The following CTNNA2 variants were observed in gnomAD, a reference collection of about 807,000 sequenced individuals.
CTNNA2 encodes catenin alpha-2.
In CTNNA2, 42 loss-of-function variants were observed where a neutral mutation model predicts 101.0. That is an observed-to-expected ratio of 0.42 (90% CI 0.32 to 0.54). The LOEUF (loss-of-function observed/expected upper bound fraction) is 0.54. Ranked by LOEUF, CTNNA2 falls within the 20% of genes least tolerant of loss-of-function variation. CTNNA2 has a pLI of 0.14. For missense variants in CTNNA2, 871 were observed against 1,223.1 expected, an observed-to-expected ratio of 0.71 and a Z score of 4.29; for synonymous variants, 450 against 456.4, an observed-to-expected ratio of 0.99 and a Z score of 0.18.
At chr2:79,260,923 C>T (rs1674913220) in intron 2 of CTNNA2, among the ~76,000 whole-genome samples, 1 of 152,110 alleles carries the variant, frequency 6.6e-6, no homozygotes, top group Admixed American at 6.6e-5. Flanking sequence ...TTCATCCTCC[C>T]CCGCAATTCC....
intron 7 of CTNNA2, among the ~76,000 whole-genome samples, chr2:80,245,973 T>A (rs1395824275): frequency 6.6e-6 from 1 of 151,912 alleles, no homozygotes; most frequent in African/African-American, 2.4e-5. Context: ...TTTTTGTATT[T>A]TTAGTAGAGA....
At chr2:79,637,355 C>T (rs1343082936) in intron 1 of CTNNA2, among the ~76,000 whole-genome samples, 1 of 152,026 alleles carries the variant, frequency 6.6e-6, no homozygotes, top group East Asian at 1.9e-4. Flanking sequence ...AGAACCAAGC[C>T]CCATCTTCTA....
At chr2:80,437,952 T>C (rs750861942) in intron 9 of CTNNA2, among the ~76,000 whole-genome samples, 39 of 152,220 alleles carry the variant, frequency 2.6e-4, no homozygotes, top group Non-Finnish European at 5.7e-4. Flanking sequence ...CAGCCGAGAC[T>C]GGGCTGCATT....
At chr2:79,600,342 A>T (rs546206129) in intron 1 of CTNNA2, among the ~76,000 whole-genome samples, 1 of 151,260 alleles carries the variant, frequency 6.6e-6, no homozygotes, top group South Asian at 2.1e-4. Flanking sequence ...TGCCTGGCTA[A>T]TTTTTTTTTA....
In CTNNA2 at chr2:80,321,722, T is replaced by C. The variant is rs78341658; in HGVS notation, c.1057-71489T>C. 7.2e-3 allele frequency among the ~76,000 whole-genome samples: 1,101 copies of C among 152,326 alleles called. 14 individuals are homozygous for C. The highest frequency in any genetic ancestry group is 0.025 in the African/African-American group (1,038 of 41,574). ...TGTGGCAAGGTTTCGTTTTTGTGAA[T>C]GCATGCACGCATGTACTTGTGGGCT... On this transcript the variant is annotated intron_variant, in intron 7 of 18. Transcript: ENST00000402739.
At chr2:79,726,413 G>A (rs562822415) in intron 2 of CTNNA2, among the ~76,000 whole-genome samples, 9 of 152,274 alleles carry the variant, frequency 5.9e-5, no homozygotes, top group South Asian at 2.1e-4. Flanking sequence ...GCAAGTGAGC[G>A]TTACCACCTG....
rs543630134 is a variant in CTNNA2 at position 79,726,123 on chromosome 2, ACT to A, written c.103-18263_103-18262del. 1.0e-3 allele frequency among the ~76,000 whole-genome samples: 156 copies of A among 152,280 alleles called. 5 individuals carry two copies. In the South Asian group the frequency reaches 0.031, roughly 30 times the overall value. ...TAGAAGACAAATTTTAACCTTTGAC[ACT>A]AGATTGGTGTAATCCTAGTTATTAG... On this transcript the variant is annotated intron_variant, in intron 2 of 18. Coordinates refer to ENST00000402739, the MANE Select transcript of CTNNA2 (RefSeq NM_001282597.3).
At chr2:79,543,854 A>G (rs561435846) in intron 1 of CTNNA2, among the ~76,000 whole-genome samples, 1 of 152,330 alleles carries the variant, frequency 6.6e-6, no homozygotes, top group East Asian at 1.9e-4. Flanking sequence ...TGTGATTTAA[A>G]TTTCTCGTTA....
At chr2:80,313,088 C>A (rs960109350) in intron 7 of CTNNA2, among the ~76,000 whole-genome samples, 1 of 152,164 alleles carries the variant, frequency 6.6e-6, no homozygotes, top group East Asian at 1.9e-4. Flanking sequence ...GCCATTAGCC[C>A]AGCAAAGCCA....
chr2:80,286,329 C>T (rs1380260450), intron 7 of CTNNA2, among the ~76,000 whole-genome samples: 2 of 152,094 alleles, frequency 1.3e-5, no homozygotes, highest in African/African-American at 4.8e-5. Flanking sequence ...TGATATTCTC[C>T]TCAGAGGGCC....
At chr2:80,048,347 G>A (rs1696661615) in intron 7 of CTNNA2, among the ~76,000 whole-genome samples, 1 of 152,136 alleles carries the variant, frequency 6.6e-6, no homozygotes, top group Non-Finnish European at 1.5e-5. Context: ...ACATCTTCAG[G>A]CAGTGAGAAG....
chr2:79,375,264 T>C (rs923265591), intron 4 of CTNNA2, among the ~76,000 whole-genome samples: 2 of 152,204 alleles, frequency 1.3e-5, no homozygotes, highest in African/African-American at 2.4e-5. Context: ...TGAGATCTGA[T>C]AGCGTGTTTC....
At chr2:80,274,548 A>G (rs563950132) in intron 7 of CTNNA2, among the ~76,000 whole-genome samples, 1 of 152,270 alleles carries the variant, frequency 6.6e-6, no homozygotes, top group South Asian at 2.1e-4. Flanking sequence ...GAAGACCCTT[A>G]TAACATTGCT....
chr2:80,285,515 G>A (rs1372735714), intron 7 of CTNNA2, among the ~76,000 whole-genome samples: 1 of 152,140 alleles, frequency 6.6e-6, no homozygotes, highest in Non-Finnish European at 1.5e-5. Flanking sequence ...TTTTCTTCCA[G>A]GGGATCCATG....
intron 7 of CTNNA2, among the ~76,000 whole-genome samples, chr2:80,064,495 G>A (rs184122987): frequency 2.6e-5 from 4 of 152,326 alleles, no homozygotes; most frequent in Admixed American, 2.0e-4. Flanking sequence ...AATTGGAACT[G>A]CATTCAGCTG....
chr2:80,225,495 G>GCCATAAAAAATGAAAGTTTTATGCA (rs1708832227), intron 7 of CTNNA2, among the ~76,000 whole-genome samples: 2 of 152,128 alleles, frequency 1.3e-5, no homozygotes, highest in South Asian at 4.1e-4. Flanking sequence ...ATGGTAAGTG[G>GCCATAAAAAATGAAAGTTTTATGCA]TTTAAGAAAA....
intron 7 of CTNNA2, among the ~76,000 whole-genome samples, chr2:80,256,521 C>G (rs772215512): frequency 5.9e-5 from 9 of 152,082 alleles, no homozygotes; most frequent in Non-Finnish European, 1.2e-4. Context: ...GTTGCTAACT[C>G]ATTTGTTGCA....
intron 7 of CTNNA2, among the ~76,000 whole-genome samples, chr2:79,995,017 G>C (rs1352817941): frequency 6.6e-6 from 1 of 152,080 alleles, no homozygotes; most frequent in Non-Finnish European, 1.5e-5. Context: ...GTATCCATTG[G>C]GCACCACAAT....
chr2:79,687,740 A>G (rs1274998810), intron 2 of CTNNA2: 1 of 477,714 alleles, frequency 2.1e-6, no homozygotes, highest in Admixed American at 4.2e-5. Flanking sequence ...TGGAAAAAAT[A>G]AGATATCCCA....
Sources: allele counts gnomAD v4.1 joint callset (sites outside exome capture counted in the v4.1 genomes callset), GRCh38; gene constraint gnomAD v4.1.1; transcripts MANE v1.5; gene names NCBI Gene and HGNC (gene_info 2026-07-23, HGNC 2026-07-21).